MYH10: variants seen among roughly 807,000 people sequenced by gnomAD.
MYH10 encodes myosin heavy chain 10.
MYH10 carries 55 observed loss-of-function variants against 257.8 expected under a neutral mutation model. The observed-to-expected ratio is 0.21, with a 90% CI of 0.17 to 0.27. MYH10 has a LOEUF of 0.27. Among genes scored for constraint, MYH10 ranks in the 10% least tolerant of loss-of-function variants. MYH10 has a pLI of 1.00. For missense variants in MYH10, 1,631 were observed against 2,500.6 expected, an observed-to-expected ratio of 0.65 and a Z score of 7.42; for synonymous variants, 854 against 921.7, an observed-to-expected ratio of 0.93 and a Z score of 1.33.
intron 30 of MYH10, among the ~76,000 whole-genome samples, chr17:8,496,142 CAAAT>C (rs943710340): frequency 3.3e-5 from 5 of 152,140 alleles, no homozygotes; most frequent in Non-Finnish European, 7.3e-5. Context: ...ATTTTCCAAA[CAAAT>C]CTTTGTGGTA....
intron 35 of MYH10, among the ~76,000 whole-genome samples, chr17:8,488,462 T>C (rs1597619854): frequency 1.3e-5 from 2 of 152,376 alleles, no homozygotes; most frequent in African/African-American, 2.4e-5. Flanking sequence ...CTTCCACTTA[T>C]TCAGCCATAA....
chr17:8,496,006 G>A (rs1212911310), intron 30 of MYH10, among the ~76,000 whole-genome samples: 2 of 152,150 alleles, frequency 1.3e-5, no homozygotes, highest in Non-Finnish European at 2.9e-5. Context: ...ACCACACCCG[G>A]CTGGAAGTTC....
chr17:8,499,196 GCA>G (rs1917137955), intron 30 of MYH10, 72 bp downstream of exon 30: 4 of 1,469,980 alleles, frequency 2.7e-6, no homozygotes, highest in Admixed American at 1.8e-5. Context: ...GTCTCTTATT[GCA>G]CAGAGGGATA....
rs565752462 is a variant in MYH10, at chr17:8,526,257, T to C, written c.1957+4366A>G. On this transcript the variant is annotated intron_variant, in intron 17 of 42. Transcript: ENST00000360416. ...CGAAAAAACTCTATTTTAAGAGTAT[T>C]TTCTTGTTGATCAAAGCAGAAACCA... is the stretch of plus-strand genomic sequence containing the variant. 2.0e-5 allele frequency among the ~76,000 whole-genome samples: 3 copies of C among 152,252 alleles called. No homozygotes were observed. In the South Asian group the frequency reaches 6.2e-4, roughly 32 times the overall value.
At position 8,490,222 on chromosome 17, in the gene MYH10, T is replaced by C; in HGVS notation, c.4884+118A>G. The C allele has an allele frequency of 1.2e-6, 1 of 800,866 alleles. No individual in the cohort carries two copies. The highest frequency in any genetic ancestry group is 2.1e-6 in the Non-Finnish European group (1 of 486,546). 49.6% of individuals were successfully genotyped at this position (800,866 alleles called of 1,614,324 possible). The stretch of plus-strand genomic sequence containing the variant: ...ATGACCAAATAAATTCATTTTACTC[T>C]ATGTGTTACTCTGTGTTTACTCAGA... On this transcript the variant is annotated intron_variant, in intron 35 of 42. Transcript: ENST00000360416. This position sits in a 1 kb window ranked among gnomAD's most constrained non-coding sequence, Gnocchi z 4.1.
chr17:8,510,953 C>A (rs914395439), intron 24 of MYH10, among the ~76,000 whole-genome samples: 2 of 144,906 alleles, frequency 1.4e-5, no homozygotes, highest in Non-Finnish European at 3.0e-5. Flanking sequence ...GATAGATTAC[C>A]CCATTTTATA....
chr17:8,580,725 A>T (rs2083673158), intron 4 of MYH10, among the ~76,000 whole-genome samples: 1 of 152,240 alleles, frequency 6.6e-6, no homozygotes, highest in Non-Finnish European at 1.5e-5. Context: ...TCAATCACTT[A>T]TTCTTTCAAC....
In MYH10 at chr17:8,577,320, C is replaced by T; in HGVS notation, c.549G>A (p.Gly183=). The change falls in exon 5 of 43, where the codon GGG becomes GGA. Residue 183 remains glycine, a synonymous_variant. Transcript: ENST00000360416. ...TAACTTTCTTTGTATTTTCTGTCTT[C>T]CCAGCACCTGACTCACCCCTGAAAG... ...SILCTGESGA[G]KTENTKKVIQ... 1 of 1,609,576 alleles carries T rather than the reference C, an allele frequency of 6.2e-7. No homozygotes were observed. The highest frequency in any genetic ancestry group is 2.2e-5 in the East Asian group (1 of 44,852).
In MYH10 at chr17:8,548,895, G is replaced by T. The variant is rs1016682109; in HGVS notation, c.920-108C>A. On this transcript the variant is annotated intron_variant, in intron 9 of 42. Transcript: ENST00000360416. The stretch of plus-strand genomic sequence containing the variant: ...GTCACAGGAGAGCAGTGGTCACCAT[G>T]CAACCCATTGCCAGCAAAATGTTTT... The T allele has an allele frequency of 1.5e-5, 12 of 827,082 alleles. No individual in the cohort carries two copies. The Admixed American group carries it at 3.0e-4, about 20-fold the overall frequency. The allele number at this position is 827,082 out of a possible 1,614,324, so 51.2% of individuals were successfully genotyped here.
intron 26 of MYH10, among the ~76,000 whole-genome samples, chr17:8,507,753 C>T (rs1217643346): frequency 6.6e-6 from 1 of 152,180 alleles, no homozygotes; most frequent in African/African-American, 2.4e-5. Flanking sequence ...GGGTGGATCA[C>T]CTAAGGTCAG....
chr17:8,569,344 C>G lies in MYH10; in HGVS notation c.756+376G>C, dbSNP rs1273567830. Among the ~76,000 whole-genome samples, 1 of 152,172 alleles carries G rather than the reference C, an allele frequency of 6.6e-6. No homozygotes were observed. The highest frequency in any genetic ancestry group is 2.4e-5 in the African/African-American group (1 of 41,428). On this transcript the variant is annotated intron_variant, in intron 7 of 42. Transcript: ENST00000360416. The surrounding 1 kb of genome is among the most constrained non-coding windows in gnomAD (Gnocchi z 4.1). Reference sequence around the variant, plus strand: ...CCACATCTAATGCGTTGAATGTTTACTATGCATAGTGCCGGGCTAAGTGCT... The same window carrying G: ...CCACATCTAATGCGTTGAATGTTTAGTATGCATAGTGCCGGGCTAAGTGCT...
chr17:8,521,445 C>T (rs900674723), intron 17 of MYH10, 160 bp from the exon 18 acceptor site: 11 of 677,182 alleles, frequency 1.6e-5, no homozygotes, highest in African/African-American at 3.6e-5. Context: ...CTGCACAAGC[C>T]GGGAACTAAC....
At chr17:8,611,060 G>A (rs112449101) in intron 2 of MYH10, among the ~76,000 whole-genome samples, 2 of 152,334 alleles carry the variant, frequency 1.3e-5, no homozygotes, top group African/African-American at 4.8e-5. Context: ...GCTAAGCAGA[G>A]CTTTCAGCAG....
At chr17:8,557,013 G>A (rs1719074897) in intron 7 of MYH10, among the ~76,000 whole-genome samples, 2 of 151,930 alleles carry the variant, frequency 1.3e-5, no homozygotes, top group African/African-American at 2.4e-5. Flanking sequence ...TCTGCTTATG[G>A]TGCCAGGCAG....
Position 8,580,307 on chromosome 17 carries a change from GT to G in MYH10, c.531-2970del, listed in dbSNP as rs1336423404. Among the ~76,000 whole-genome samples, 47 of 145,028 alleles carry G rather than the reference GT, an allele frequency of 3.2e-4. 1 individual carries two copies. Among genetic ancestry groups the G allele is most frequent in the Non-Finnish European group, 4.5e-5 (3 of 66,274 alleles). On this transcript the variant is annotated intron_variant, in intron 4 of 42. Coordinates refer to ENST00000360416, the MANE Select transcript of MYH10 (RefSeq NM_001256012.3). ...TTTTTTTTTAGGTAAACTTCAAATA[GT>G]TTTTTTCTGTTATCTCTTCCCCATC...
intron 2 of MYH10, among the ~76,000 whole-genome samples, chr17:8,610,648 G>A (rs180998358): frequency 6.4e-4 from 98 of 152,164 alleles, no homozygotes; most frequent in Admixed American, 1.2e-3. Context: ...ATTATAAAAG[G>A]GCTTGTGGCT....
rs535321368 is a variant in MYH10, at chr17:8,598,135, C to T, written c.502+6691G>A. Among the ~76,000 whole-genome samples the T allele has an allele frequency of 1.2e-4, 19 of 152,244 alleles. No homozygotes were observed. The South Asian group carries it at 3.7e-3, about 30-fold the overall frequency. Reference sequence around the variant, plus strand: ...TAGCTGGGACTACAGTCGCATGCCACCCTAGTCCTTAAGATTTGACAGACC... The same window carrying T: ...TAGCTGGGACTACAGTCGCATGCCATCCTAGTCCTTAAGATTTGACAGACC... On this transcript the variant is annotated intron_variant, in intron 3 of 42. Coordinates refer to ENST00000360416, the MANE Select transcript of MYH10 (RefSeq NM_001256012.3).
chr17:8,534,705 C>A (rs2082093331), intron 16 of MYH10, among the ~76,000 whole-genome samples: 1 of 152,240 alleles, frequency 6.6e-6, no homozygotes, highest in Non-Finnish European at 1.5e-5. Flanking sequence ...TAAGGTCCTG[C>A]ATGGCCTGAA....
chr17:8,582,439 C>A (rs2083742848), intron 4 of MYH10, among the ~76,000 whole-genome samples: 1 of 152,188 alleles, frequency 6.6e-6, no homozygotes, highest in African/African-American at 2.4e-5. Context: ...GGTTATTTCA[C>A]TGCTGGTCTA....
Sources: gnomAD v4.1 joint callset for allele counts (sites outside exome capture counted in the v4.1 genomes callset) on GRCh38, gnomAD v4.1.1 for gene constraint, Gnocchi (gnomAD v3.1) non-coding constraint, MANE v1.5 for transcripts, NCBI Gene and HGNC (gene_info 2026-07-23, HGNC 2026-07-21) for gene names.